The following ALMS1 variants were observed in gnomAD, a reference collection of about 807,000 sequenced individuals.
ALMS1 encodes the protein ALMS1 centrosome and basal body associated protein, also known as centrosome-associated protein ALMS1.
ALMS1 carries 271 observed loss-of-function variants against 352.2 expected under a neutral mutation model. That is an observed-to-expected ratio of 0.77 (90% CI 0.70 to 0.85). ALMS1 has a LOEUF of 0.85. ALMS1 is among the 40% of genes least tolerant of loss of function. ALMS1 has a pLI of 0.00. For missense variants in ALMS1, 5,445 were observed against 4,870.7 expected (o/e 1.12, Z -3.51); for synonymous variants, 1,865 against 1,761.2 (o/e 1.06, Z -1.48).
In ALMS1 at chr2:73,464,247, A is replaced by G. The variant is rs1672274963; in HGVS notation, c.7674+8952A>G. 2.6e-5 allele frequency among the ~76,000 whole-genome samples: 4 copies of G among 152,234 alleles called. No individual in the cohort carries two copies. The South Asian group carries it at 6.2e-4, about 24-fold the overall frequency. On this transcript the variant is annotated intron_variant, in intron 9 of 22. Transcript: ENST00000613296. ...CAGCACATCAAAAAGCTTATCCACCATGATCAAGTGGGCTTCATCCCTGGG... is the reference window on the plus strand; with the variant it reads ...CAGCACATCAAAAAGCTTATCCACCGTGATCAAGTGGGCTTCATCCCTGGG...
chr2:73,593,158 T>A (rs1195111450), intron 16 of ALMS1, among the ~76,000 whole-genome samples: 1 of 151,570 alleles, frequency 6.6e-6, no homozygotes, highest in Non-Finnish European at 1.5e-5. Context: ...TGAACTGTTT[T>A]GGTTTACTGA....
chr2:73,509,108 T>C (rs949915376), intron 10 of ALMS1, among the ~76,000 whole-genome samples: 2 of 152,188 alleles, frequency 1.3e-5, no homozygotes, highest in Non-Finnish European at 1.5e-5. Flanking sequence ...TTGGTAGATC[T>C]CCCTCCATCC....
intron 16 of ALMS1, among the ~76,000 whole-genome samples, chr2:73,578,821 G>A (rs1368893777): frequency 6.6e-6 from 1 of 152,120 alleles, no homozygotes; most frequent in Non-Finnish European, 1.5e-5. Context: ...AAAGGGAAGA[G>A]TTACAAACCA....
chr2:73,523,248 C>CTGTA (rs1389645715), intron 11 of ALMS1, among the ~76,000 whole-genome samples: 1 of 152,132 alleles, frequency 6.6e-6, no homozygotes. Flanking sequence ...AGCTTGCTCA[C>CTGTA]TTTATTTATT....
At chr2:73,389,794 A>G (rs1340462187) in intron 1 of ALMS1, among the ~76,000 whole-genome samples, 1 of 151,944 alleles carries the variant, frequency 6.6e-6, no homozygotes, top group Non-Finnish European at 1.5e-5. Flanking sequence ...GGTTCAAGCA[A>G]TTCTCCTGCC....
At chr2:73,541,817 G>C (rs1674189420) in intron 12 of ALMS1, among the ~76,000 whole-genome samples, 3 of 152,166 alleles carry the variant, frequency 2.0e-5, no homozygotes, top group African/African-American at 7.2e-5. Context: ...GACTAAACCA[G>C]GAAGAAGTTG....
chr2:73,529,379 T>TAA (rs1673861523), intron 11 of ALMS1, among the ~76,000 whole-genome samples: 2 of 152,198 alleles, frequency 1.3e-5, no homozygotes, highest in African/African-American at 4.8e-5. Context: ...TCTGAAAGGT[T>TAA]CCACATCTCT....
intron 1 of ALMS1, among the ~76,000 whole-genome samples, chr2:73,400,147 T>C (rs1009289616): frequency 5.3e-5 from 8 of 152,040 alleles, no homozygotes; most frequent in Non-Finnish European, 1.0e-4. Context: ...GGTCTCACTT[T>C]GTTGCCCAGG....
chr2:73,562,291 G>A (rs1674680176), intron 15 of ALMS1, among the ~76,000 whole-genome samples: 2 of 152,078 alleles, frequency 1.3e-5, no homozygotes, highest in Admixed American at 1.3e-4. Flanking sequence ...TCAGCCTGTA[G>A]AGTAGCTGGG....
chr2:73,425,978 G>A (rs1174616784), intron 5 of ALMS1, among the ~76,000 whole-genome samples: 2 of 152,160 alleles, frequency 1.3e-5, no homozygotes, highest in East Asian at 3.8e-4. Context: ...GTTGGTCTTG[G>A]CAAAACACAG....
chr2:73,440,060 A>G (rs966114869), intron 7 of ALMS1, among the ~76,000 whole-genome samples: 1 of 152,020 alleles, frequency 6.6e-6, no homozygotes, highest in Non-Finnish European at 1.5e-5. Context: ...GGCTCACTGC[A>G]AGCTCCGCCT....
chr2:73,449,303 C>G lies in ALMS1; in HGVS notation c.2776C>G (p.Leu926Val). 6.2e-7 allele frequency: 1 copy of G among 1,614,052 alleles called. No homozygotes were observed. The highest frequency in any genetic ancestry group is 1.6e-4 in the Middle Eastern group (1 of 6,062). ...TTCCCAGCAGACCCTGCCAGACTTT[C>G]TTTTCCCTGAAGAAGCTCTGAAGGT... Reference protein sequence around the residue: ...IFSQQTLPDFLFPEEALKVSA... With the variant: ...IFSQQTLPDFVFPEEALKVSA... Residue 926 changes from leucine (L) to valine (V), a missense_variant, in exon 8 of 23, where the codon CTT (leucine) becomes GTT (valine). Coordinates refer to ENST00000613296, the MANE Select transcript of ALMS1 (RefSeq NM_001378454.1).
At position 73,451,701 on chromosome 2, in the gene ALMS1, C is replaced by A. The variant is rs764135516; in HGVS notation, c.5174C>A (p.Ala1725Asp). ...AAGCCCATTGTCTTCTACCAACAGG[C>A]CCTGCCAGACAGTGAGCTAACTCAA... is the stretch of plus-strand genomic sequence containing the variant. ...REKPIVFYQQ[A>D]LPDSELTQEA... Residue 1725 changes from alanine to aspartate, a missense_variant, in exon 8 of 23, where the codon GCC becomes GAC. Ala to Asp is a moderately radical substitution (Grantham distance 126). Transcript: ENST00000613296. 7 of 1,613,496 alleles carry A rather than the reference C, an allele frequency of 4.3e-6. No individual in the cohort carries two copies. The highest frequency in any genetic ancestry group is 5.9e-6 in the Non-Finnish European group (7 of 1,179,884).
At position 73,408,475 on chromosome 2, in the gene ALMS1, G is replaced by A. The variant is rs1185943224; in HGVS notation, c.325-147G>A. On this transcript the variant is annotated intron_variant, in intron 1 of 22. Transcript: ENST00000613296. ...TAACTGAGTAACCTTAAGGATAATA[G>A]CTTGTATAATGGTTGTGAAATCAAA... 8.7e-6 allele frequency: 8 copies of A among 924,134 alleles called. No individual in the cohort carries two copies. In the East Asian group the frequency reaches 2.4e-4, roughly 28 times the overall value. 57.2% of individuals were successfully genotyped at this position (924,134 alleles called of 1,614,324 possible).
rs201677365 is a variant in ALMS1, at chr2:73,451,993, T to A, written c.5466T>A (p.His1822Gln). ...TTTCCTACCAGCGAGAGTTGCCGCA[T>A]TTTACTGAAGCAGGTTTGAAAATTT... ...PIVSYQRELP[H>Q]FTEAGLKILR... The change falls in exon 8 of 23, where the codon CAT (histidine) becomes CAA (glutamine). Residue 1822 changes from histidine (H) to glutamine (Q), a missense_variant. Coordinates refer to ENST00000613296, the MANE Select transcript of ALMS1 (RefSeq NM_001378454.1). 1.1e-4 allele frequency: 173 copies of A among 1,613,508 alleles called. No homozygotes were observed. Among genetic ancestry groups the A allele is most frequent in the Non-Finnish European group, 1.4e-4 (170 of 1,179,708 alleles).
intron 1 of ALMS1, among the ~76,000 whole-genome samples, chr2:73,391,001 C>T (rs1194305202): frequency 6.6e-6 from 1 of 151,972 alleles, no homozygotes; most frequent in Non-Finnish European, 1.5e-5. Flanking sequence ...GATCTCTTGA[C>T]CTCAGGTTAT....
intron 15 of ALMS1, among the ~76,000 whole-genome samples, chr2:73,560,047 T>G (rs1202230626): frequency 6.6e-6 from 1 of 152,092 alleles, no homozygotes; most frequent in African/African-American, 2.4e-5. Context: ...TACATCAAAC[T>G]TGAAAACTTC....
intron 11 of ALMS1, among the ~76,000 whole-genome samples, chr2:73,525,707 A>G (rs1007194950): frequency 1.3e-5 from 2 of 152,130 alleles, no homozygotes; most frequent in African/African-American, 4.8e-5. Flanking sequence ...ATAGTTTGCA[A>G]ATGTTTCCTC....
intron 9 of ALMS1, among the ~76,000 whole-genome samples, chr2:73,485,824 G>A (rs2950770): frequency 0.87 from 132,393 of 152,048 alleles, 57,715 homozygotes; most frequent in Admixed American, 0.92. Flanking sequence ...TCGGGTGGGA[G>A]TGACCCGATT....
Sources: gnomAD v4.1 joint callset for allele counts (sites outside exome capture counted in the v4.1 genomes callset) on GRCh38, gnomAD v4.1.1 for gene constraint, MANE v1.5 for transcripts, NCBI Gene and HGNC (gene_info 2026-07-23, HGNC 2026-07-21) for gene names.